Variants in LRP1B observed in about 807,000 individuals in gnomAD.
LRP1B encodes low-density lipoprotein receptor-related protein 1B.
In LRP1B, 217 loss-of-function variants were observed where a neutral mutation model predicts 556.6. The ratio of observed to expected loss-of-function variants is 0.39; its 90% CI spans 0.35 to 0.44. The LOEUF (loss-of-function observed/expected upper bound fraction) is 0.44. LRP1B is among the 20% of genes least tolerant of loss of function. The pLI is 1.00. For synonymous variants in LRP1B, 2,047 were observed against 1,865.8 expected, an observed-to-expected ratio of 1.10 and a Z score of -2.50; for missense variants, 5,053 against 5,620.8, an observed-to-expected ratio of 0.90 and a Z score of 3.23.
intron 15 of LRP1B, among the ~76,000 whole-genome samples, chr2:141,001,446 A>G (rs1023021964): frequency 1.1e-4 from 17 of 152,148 alleles, no homozygotes; most frequent in African/African-American, 4.1e-4. Flanking sequence ...CATTAGGTAT[A>G]TCTCCTAATG....
rs917496372 is a variant in LRP1B, at chr2:140,540,981, C to T, written c.7505G>A (p.Arg2502Lys). ...RGDRILLEDN[R>K]CVTKNSSCNA... is the part of the protein sequence containing the mutation. ...CAATTCCCTTTACTTACTCACACAT[C>T]TGTTGTCCTCTAGCAATATTCGGTC... Residue 2502 changes from arginine to lysine, a missense_variant, in exon 45 of 91, where the codon AGA becomes AAA. Arg to Lys is a conservative substitution (Grantham distance 26). This residue lies in a region of LRP1B where 3,619 missense variants were observed against 3,931.9 expected (regional missense o/e 0.92). Transcript: ENST00000389484. 1 of 1,609,188 alleles carries T rather than the reference C, an allele frequency of 6.2e-7. No individual in the cohort carries two copies. Among genetic ancestry groups the T allele is most frequent in the Non-Finnish European group, 8.5e-7 (1 of 1,177,418 alleles).
intron 2 of LRP1B, among the ~76,000 whole-genome samples, chr2:141,533,692 C>G (rs1373553270): frequency 6.6e-6 from 1 of 152,118 alleles, no homozygotes; most frequent in African/African-American, 2.4e-5. Context: ...CACTTGAAAT[C>G]TCTCCTGCTC....
At chr2:141,939,261 CA>C (rs1700724857) in intron 1 of LRP1B, among the ~76,000 whole-genome samples, 1 of 151,800 alleles carries the variant, frequency 6.6e-6, no homozygotes, top group Non-Finnish European at 1.5e-5. Context: ...TACACACACA[CA>C]ATATTACAAA....
chr2:141,954,118 C>T (rs569655916), intron 1 of LRP1B, among the ~76,000 whole-genome samples: 2 of 152,086 alleles, frequency 1.3e-5, no homozygotes, highest in Admixed American at 6.6e-5. Flanking sequence ...TGATGCCCAG[C>T]ATCTATTTCC....
chr2:141,456,678 C>CTAG (rs1681641596), intron 3 of LRP1B, among the ~76,000 whole-genome samples: 1 of 152,150 alleles, frequency 6.6e-6, no homozygotes, highest in African/African-American at 2.4e-5. Context: ...TCAAAGAAAT[C>CTAG]TTCCTAGAGT....
At chr2:141,933,353 T>C (rs1299354445) in intron 1 of LRP1B, among the ~76,000 whole-genome samples, 1 of 152,016 alleles carries the variant, frequency 6.6e-6, no homozygotes, top group African/African-American at 2.4e-5. Context: ...ACTAAGTAAA[T>C]GCAGGAAACC....
intron 35 of LRP1B, among the ~76,000 whole-genome samples, chr2:140,739,584 T>C (rs1393304739): frequency 1.3e-5 from 2 of 152,104 alleles, no homozygotes; most frequent in Admixed American, 6.6e-5. Context: ...ACATACTGAG[T>C]TTCTTATCAT....
chr2:141,315,012 G>C (rs1403872822), intron 3 of LRP1B, among the ~76,000 whole-genome samples: 1 of 149,590 alleles, frequency 6.7e-6, no homozygotes, highest in Non-Finnish European at 1.5e-5. Flanking sequence ...GAATGAAAAA[G>C]AAGTGGTGAA....
intron 1 of LRP1B, among the ~76,000 whole-genome samples, chr2:141,952,251 T>C (rs543810796): frequency 2.0e-5 from 3 of 152,126 alleles, no homozygotes; most frequent in Non-Finnish European, 2.9e-5. Flanking sequence ...CAGTCTATCA[T>C]TGATGGACAT....
At chr2:140,545,760 T>C (rs1376331367) in intron 43 of LRP1B, among the ~76,000 whole-genome samples, 1 of 152,148 alleles carries the variant, frequency 6.6e-6, no homozygotes, top group Non-Finnish European at 1.5e-5. Flanking sequence ...TGGTTTCATA[T>C]GAATTTTAAA....
At chr2:140,755,705 GA>G (rs575887219) in intron 35 of LRP1B, among the ~76,000 whole-genome samples, 8 of 151,862 alleles carry the variant, frequency 5.3e-5, no homozygotes, top group Admixed American at 3.3e-4. Flanking sequence ...AAAATAAAAA[GA>G]GCTAATATCA....
chr2:141,298,721 G>T (rs367615980), intron 3 of LRP1B, among the ~76,000 whole-genome samples: 1 of 152,016 alleles, frequency 6.6e-6, no homozygotes, highest in Admixed American at 6.6e-5. Flanking sequence ...TTGGGAGGCC[G>T]AGGTGGGTGG....
chr2:141,101,891 A>G (rs945674602), intron 7 of LRP1B, among the ~76,000 whole-genome samples: 1 of 152,180 alleles, frequency 6.6e-6, no homozygotes, highest in African/African-American at 2.4e-5. Context: ...AAAATGGTAC[A>G]GCATATCAGT....
At chr2:142,111,669 A>T (rs970951304) in intron 1 of LRP1B, among the ~76,000 whole-genome samples, 2 of 152,102 alleles carry the variant, frequency 1.3e-5, no homozygotes, top group Non-Finnish European at 2.9e-5. Context: ...AAACAGGTAA[A>T]TTCCATCTGT....
At chr2:140,865,125 A>C (rs980858947) in intron 27 of LRP1B, among the ~76,000 whole-genome samples, 1 of 152,058 alleles carries the variant, frequency 6.6e-6, no homozygotes. Context: ...CCATATAACA[A>C]CAACATTAAA....
chr2:142,089,232 T>TA (rs1553515904), intron 1 of LRP1B, among the ~76,000 whole-genome samples: 3 of 151,852 alleles, frequency 2.0e-5, no homozygotes, highest in Non-Finnish European at 4.4e-5. Flanking sequence ...TCTGCAACTA[T>TA]TTAAGAATCT....
intron 1 of LRP1B, among the ~76,000 whole-genome samples, chr2:142,062,305 G>A (rs988511837): frequency 1.3e-5 from 2 of 151,816 alleles, no homozygotes; most frequent in South Asian, 2.1e-4. Flanking sequence ...ACCTCTAAAA[G>A]TTGCAGCACA....
At chr2:141,300,729 T>G (rs1686361336) in intron 3 of LRP1B, among the ~76,000 whole-genome samples, 1 of 152,162 alleles carries the variant, frequency 6.6e-6, no homozygotes, top group Non-Finnish European at 1.5e-5. Context: ...TCACCTTTGC[T>G]TCCACCATGA....
chr2:140,978,139 C>T (rs1038342809), intron 18 of LRP1B, among the ~76,000 whole-genome samples: 7 of 152,156 alleles, frequency 4.6e-5, no homozygotes, highest in Non-Finnish European at 1.0e-4. Context: ...AGAGGGCCTT[C>T]CCAATTAATG....
Sources: allele counts gnomAD v4.1 joint callset (sites outside exome capture counted in the v4.1 genomes callset), GRCh38; gene constraint gnomAD v4.1.1; regional missense constraint gnomAD v4.1.1; transcripts MANE v1.5; gene names NCBI Gene and HGNC (gene_info 2026-07-23, HGNC 2026-07-21).